The following HS3ST4 variants were observed in gnomAD, a reference collection of about 807,000 sequenced individuals.
HS3ST4 encodes heparan sulfate glucosamine 3-O-sulfotransferase 4.
A neutral mutation model predicts 29.2 loss-of-function variants in HS3ST4; 17 were observed. The observed-to-expected ratio is 0.58, with a 90% CI of 0.40 to 0.87. The LOEUF (loss-of-function observed/expected upper bound fraction) is 0.87. Ranked by LOEUF, HS3ST4 falls within the 40% of genes least tolerant of loss-of-function variation. The pLI is 0.00. For synonymous variants in HS3ST4, 314 were observed against 285.7 expected (o/e 1.10, Z -1.00); for missense variants, 627 against 634.5 (o/e 0.99, Z 0.13).
At chr16:26,054,790 A>G (rs1898387717) in intron 1 of HS3ST4, among the ~76,000 whole-genome samples, 1 of 152,000 alleles carries the variant, frequency 6.6e-6, no homozygotes, top group Non-Finnish European at 1.5e-5. Context: ...TCTGGGAGCC[A>G]TCGCAAGGTA....
intron 1 of HS3ST4, among the ~76,000 whole-genome samples, chr16:25,782,935 C>G (rs962600390): frequency 3.3e-5 from 5 of 152,096 alleles, no homozygotes; most frequent in Non-Finnish European, 7.4e-5. Context: ...AATAGCTTGT[C>G]TGTTTCAGTG....
rs376672538 is a variant in HS3ST4, at chr16:25,864,393, G to GT, written c.734+171251dup. On this transcript the variant is annotated intron_variant, in intron 1 of 1. Coordinates refer to ENST00000331351, the MANE Select transcript of HS3ST4 (RefSeq NM_006040.3). Reference sequence around the variant, plus strand: ...ATTAGGTTGGTGCAAAAGTAATTGTGTTTTTTTTTGCCATTTAAAAGTAGT... The same window carrying GT: ...ATTAGGTTGGTGCAAAAGTAATTGTGTTTTTTTTTTGCCATTTAAAAGTAGT... Among the ~76,000 whole-genome samples, 827 of 147,532 alleles carry GT rather than the reference G, an allele frequency of 5.6e-3. 7 individuals carry two copies. Among genetic ancestry groups the GT allele is most frequent in the African/African-American group, 0.018 (684 of 38,456 alleles).
intron 1 of HS3ST4, among the ~76,000 whole-genome samples, chr16:25,960,246 C>G (rs906284899): frequency 6.6e-6 from 1 of 152,184 alleles, no homozygotes; most frequent in African/African-American, 2.4e-5. Context: ...TTCCTGAGGC[C>G]TTACCGGAAG....
At chr16:25,849,365 C>G (rs1475298580) in intron 1 of HS3ST4, among the ~76,000 whole-genome samples, 2 of 152,126 alleles carry the variant, frequency 1.3e-5, no homozygotes, top group Non-Finnish European at 2.9e-5. Flanking sequence ...TAAAATCCTT[C>G]TTTTGATTGG....
chr16:26,067,295 A>G (rs1898553785), intron 1 of HS3ST4, among the ~76,000 whole-genome samples: 1 of 152,226 alleles, frequency 6.6e-6, no homozygotes. Flanking sequence ...GTTCTGAATC[A>G]GCATTGATTC....
chr16:25,932,340 C>G (rs1968472448), intron 1 of HS3ST4, among the ~76,000 whole-genome samples: 1 of 152,186 alleles, frequency 6.6e-6, no homozygotes, highest in Non-Finnish European at 1.5e-5. Context: ...TCTCTCTGCT[C>G]TGTACTTGGT....
intron 1 of HS3ST4, among the ~76,000 whole-genome samples, chr16:25,823,064 C>G (rs558079865): frequency 1.3e-5 from 2 of 152,108 alleles, no homozygotes; most frequent in Admixed American, 1.3e-4. Context: ...ATAACAGCAT[C>G]GTGTTTTCTT....
intron 1 of HS3ST4, among the ~76,000 whole-genome samples, chr16:26,059,557 A>T (rs538979530): frequency 6.6e-6 from 1 of 152,256 alleles, no homozygotes; most frequent in Admixed American, 6.5e-5. Context: ...TCATTAATGC[A>T]TTGATTGAAC....
chr16:25,777,623 C>T (rs1038522465), intron 1 of HS3ST4, among the ~76,000 whole-genome samples: 2 of 152,102 alleles, frequency 1.3e-5, no homozygotes, highest in African/African-American at 4.8e-5. Flanking sequence ...CAAAAATTAG[C>T]CGGGCATGGT....
intron 1 of HS3ST4, among the ~76,000 whole-genome samples, chr16:25,805,118 A>G (rs1288918678): frequency 6.6e-6 from 1 of 152,112 alleles, no homozygotes; most frequent in Non-Finnish European, 1.5e-5. Context: ...CAACCTAAAA[A>G]ATTTTCAGAG....
intron 1 of HS3ST4, among the ~76,000 whole-genome samples, chr16:25,839,612 T>G (rs1967393242): frequency 6.6e-6 from 1 of 152,218 alleles, no homozygotes; most frequent in African/African-American, 2.4e-5. Context: ...TTTCTTTTCC[T>G]GACAATAGGG....
At chr16:26,064,448 C>T (rs894294317) in intron 1 of HS3ST4, among the ~76,000 whole-genome samples, 4 of 151,934 alleles carry the variant, frequency 2.6e-5, no homozygotes, top group Non-Finnish European at 5.9e-5. Flanking sequence ...CAGTGAAGCA[C>T]GCAGATGTCA....
intron 1 of HS3ST4, among the ~76,000 whole-genome samples, chr16:25,762,189 C>T (rs935821312): frequency 3.2e-4 from 49 of 152,226 alleles, no homozygotes; most frequent in Admixed American, 9.8e-4. Flanking sequence ...TTCTAGCCTC[C>T]AGACCATGAG....
At chr16:25,946,928 G>T (rs1368380466) in intron 1 of HS3ST4, among the ~76,000 whole-genome samples, 6 of 152,196 alleles carry the variant, frequency 3.9e-5, no homozygotes, top group Admixed American at 3.3e-4. Context: ...GGAGCAGCAT[G>T]CAAGGGAAAG....
chr16:26,122,669 A>G (rs74919572), intron 1 of HS3ST4, among the ~76,000 whole-genome samples: 2,632 of 152,276 alleles, frequency 0.017, 29 homozygotes, highest in Non-Finnish European at 0.027. Flanking sequence ...GGTTGTATCA[A>G]TGTCCATTTG....
At chr16:26,022,171 G>A (rs1237259151) in intron 1 of HS3ST4, among the ~76,000 whole-genome samples, 1 of 152,044 alleles carries the variant, frequency 6.6e-6, no homozygotes, top group African/African-American at 2.4e-5. Context: ...GTCTCACTGT[G>A]TTGCCCAGGC....
At chr16:25,979,678 A>G (rs899952221) in intron 1 of HS3ST4, among the ~76,000 whole-genome samples, 3 of 152,226 alleles carry the variant, frequency 2.0e-5, no homozygotes, top group African/African-American at 7.2e-5. Context: ...TAAAATAGAA[A>G]TAAAGTGTAC....
chr16:26,053,572 C>T (rs768271359), intron 1 of HS3ST4, among the ~76,000 whole-genome samples: 3 of 152,150 alleles, frequency 2.0e-5, no homozygotes, highest in Non-Finnish European at 4.4e-5. Flanking sequence ...TGGTTCTGAT[C>T]ATCTGGGGAC....
At chr16:26,051,850 T>C (rs995656955) in intron 1 of HS3ST4, among the ~76,000 whole-genome samples, 1 of 150,132 alleles carries the variant, frequency 6.7e-6, no homozygotes, top group Non-Finnish European at 1.5e-5. Context: ...TCTTTCTCTC[T>C]TTCTTTTCTC....
Sources: gnomAD v4.1 joint callset for allele counts (sites outside exome capture counted in the v4.1 genomes callset) on GRCh38, gnomAD v4.1.1 for gene constraint, MANE v1.5 for transcripts, NCBI Gene and HGNC (gene_info 2026-07-23, HGNC 2026-07-21) for gene names.